The following LMO4 variants were observed in gnomAD, a reference collection of about 807,000 sequenced individuals.
The protein encoded by LMO4 is LIM domain transcription factor LMO4.
Under a neutral mutation model 18.5 loss-of-function variants are expected in LMO4, and 3 were observed. The ratio of observed to expected loss-of-function variants is 0.16; its 90% CI spans 0.07 to 0.42. LMO4 has a LOEUF of 0.42. LMO4 is among the 10% of genes least tolerant of loss of function. LMO4 has a pLI of 0.99. For missense variants in LMO4, 121 were observed against 219.9 expected, an observed-to-expected ratio of 0.55 and a Z score of 2.84; for synonymous variants, 100 against 88.1, an observed-to-expected ratio of 1.14 and a Z score of -0.76.
At chr1:87,342,195 G>A (rs1329632677) in intron 4 of LMO4, among the ~76,000 whole-genome samples, 2 of 152,182 alleles carry the variant, frequency 1.3e-5, no homozygotes, top group African/African-American at 4.8e-5. Context: ...ATGTAGAGAT[G>A]AGATGGAAAA....
At chr1:87,339,993 A>G in intron 3 of LMO4, 54 bp from the exon 4 acceptor site, 1 of 1,580,616 alleles carries the variant, frequency 6.3e-7, no homozygotes. Flanking sequence ...ACTTGTGACC[A>G]AAAAAAGACT....
chr1:87,336,865 G>T (rs1283572155), intron 2 of LMO4, among the ~76,000 whole-genome samples: 1 of 152,164 alleles, frequency 6.6e-6, no homozygotes, highest in Non-Finnish European at 1.5e-5. Flanking sequence ...GTCTGAGACC[G>T]ATAGCTACTT....
At chr1:87,344,101 G>C (rs1276635790) in intron 4 of LMO4, among the ~76,000 whole-genome samples, 1 of 152,124 alleles carries the variant, frequency 6.6e-6, no homozygotes. Context: ...TGACATAGCA[G>C]ATAAGAAATA....
At chr1:87,343,162 T>C (rs1325540017) in intron 4 of LMO4, among the ~76,000 whole-genome samples, 1 of 152,200 alleles carries the variant, frequency 6.6e-6, no homozygotes, top group Non-Finnish European at 1.5e-5. Context: ...TAGGCCCCCA[T>C]TGTCTGGTCC....
intron 4 of LMO4, among the ~76,000 whole-genome samples, chr1:87,342,008 T>C (rs113734506): frequency 0.017 from 2,638 of 152,310 alleles, 77 homozygotes; most frequent in African/African-American, 0.06. Context: ...AAAAATATGC[T>C]AGAAATAAAA....
chr1:87,333,091 A>C (rs1650201053), intron 2 of LMO4, among the ~76,000 whole-genome samples: 1 of 152,234 alleles, frequency 6.6e-6, no homozygotes, highest in Admixed American at 6.5e-5. Context: ...TGTCCATGTA[A>C]GCAGTCTTTT....
intron 2 of LMO4, among the ~76,000 whole-genome samples, chr1:87,335,039 G>C (rs1026281648): frequency 4.4e-5 from 4 of 91,100 alleles, no homozygotes; most frequent in Admixed American, 2.6e-4. Flanking sequence ...AAGAATGAAG[G>C]GGGGGGGGTT....
chr1:87,344,942 C>T lies in LMO4; in HGVS notation c.*146C>T, dbSNP rs1650587439. 1 of 722,216 alleles carries T rather than the reference C, an allele frequency of 1.4e-6. No homozygotes were observed. 44.7% of individuals were successfully genotyped at this position (722,216 alleles called of 1,614,324 possible). ...TTGCACCTTCTTTAGTCTTGATTGCCCTTCCCGCATTTATTGGTGTATTAA... is the reference window on the plus strand; with the variant it reads ...TTGCACCTTCTTTAGTCTTGATTGCTCTTCCCGCATTTATTGGTGTATTAA... On this transcript the variant is annotated 3_prime_UTR_variant, in exon 5 of 5. Transcript: ENST00000370544.
chr1:87,330,302 T>A (rs928072605), intron 1 of LMO4, among the ~76,000 whole-genome samples: 1 of 152,152 alleles, frequency 6.6e-6, no homozygotes, highest in African/African-American at 2.4e-5. Flanking sequence ...TTCGGAGCGA[T>A]TAAAACGTTG....
In LMO4 at chr1:87,348,687, C is replaced by T; in HGVS notation, c.*3891C>T. The T allele has an allele frequency of 2.0e-6, 1 of 502,200 alleles. No homozygotes were observed. The highest frequency in any genetic ancestry group is 2.0e-5 in the Admixed American group (1 of 48,918). 31.1% of individuals were successfully genotyped at this position (502,200 alleles called of 1,614,324 possible). A position where few individuals can be genotyped will look rare whatever the true frequency, so the allele number is the denominator to read the frequency against. On this transcript the variant is annotated 3_prime_UTR_variant, in exon 5 of 5. Transcript: ENST00000370544. ...GGCTGATTTTTGGAAGGTGAACTTG[C>T]AACTTACCTCAAGTGAATACTGTTT...
intron 2 of LMO4, 99 bp from the exon 3 acceptor site, chr1:87,339,437 A>G: frequency 1.2e-5 from 9 of 751,386 alleles, no homozygotes; most frequent in Non-Finnish European, 1.8e-5. Context: ...AGCCTGTCAA[A>G]TGCATTCCAA....
chr1:87,329,336 C>T (rs1341408511), intron 1 of LMO4, 92 bp downstream of exon 1: 5 of 152,398 alleles, frequency 3.3e-5, no homozygotes, highest in South Asian at 2.1e-4. Context: ...TGGCTTCCTT[C>T]CCCTGACCGT....
Position 87,343,735 on chromosome 1 carries a change from G to A in LMO4, c.490-1053G>A, listed in dbSNP as rs140655698. Among the ~76,000 whole-genome samples the A allele has an allele frequency of 9.1e-3, 1,385 of 152,266 alleles. 18 individuals are homozygous for A. The highest frequency in any genetic ancestry group is 0.032 in the African/African-American group (1,328 of 41,550). ...TGCTGCTGCATCTTTGTTCTGGACA[G>A]ACAAATTACCTTTCTCACACTGAGC... is the stretch of plus-strand genomic sequence containing the variant. On this transcript the variant is annotated intron_variant, in intron 4 of 4. Transcript: ENST00000370544.
chr1:87,347,436 T>TC lies in LMO4; in HGVS notation c.*2645dup, dbSNP rs943756883. 19 of 151,684 alleles carry TC rather than the reference T, an allele frequency of 1.3e-4. No homozygotes were observed. The highest frequency in any genetic ancestry group is 4.6e-4 in the African/African-American group (19 of 41,268). The allele number at this position is 151,684 out of a possible 1,614,324, so 9.4% of individuals were successfully genotyped here. ...GTGAGCAGCGATTGTGTGCAGTTCC[T>TC]CCCCCAATCTCAACATTGCTTAGGA... On this transcript the variant is annotated 3_prime_UTR_variant, in exon 5 of 5. Coordinates refer to ENST00000370544, the MANE Select transcript of LMO4 (RefSeq NM_006769.4).
At chr1:87,344,266 G>A (rs1037011718) in intron 4 of LMO4, among the ~76,000 whole-genome samples, 2 of 152,188 alleles carry the variant, frequency 1.3e-5, no homozygotes, top group African/African-American at 4.8e-5. Context: ...GCCAAGCACT[G>A]TTGAAAGTGC....
intron 4 of LMO4, among the ~76,000 whole-genome samples, chr1:87,341,589 T>C (rs892433943): frequency 5.9e-5 from 9 of 152,162 alleles, no homozygotes; most frequent in African/African-American, 1.7e-4. Context: ...TTTGAAAACT[T>C]TTAACCATTA....
In LMO4 at chr1:87,340,172, T is replaced by G; in HGVS notation, c.459T>G (p.Leu153=). The G allele has an allele frequency of 6.2e-7, 1 of 1,614,184 alleles. No individual in the cohort carries two copies. The highest frequency in any genetic ancestry group is 8.5e-7 in the Non-Finnish European group (1 of 1,180,030). Reference sequence around the variant, plus strand: ...TCATCAATGGCCATTTGAATTCACTTCAGAGCAATCCACTACTGCCAGACC... The same window carrying G: ...TCATCAATGGCCATTTGAATTCACTGCAGAGCAATCCACTACTGCCAGACC... ...TALINGHLNS[L]QSNPLLPDQK... The change falls in exon 4 of 5, where the codon CTT becomes CTG. Residue 153 remains leucine (L), a synonymous_variant. Transcript: ENST00000370544.
Position 87,344,914 on chromosome 1 carries a change from C to A in LMO4, c.*118C>A. On this transcript the variant is annotated 3_prime_UTR_variant, in exon 5 of 5. Coordinates refer to ENST00000370544, the MANE Select transcript of LMO4 (RefSeq NM_006769.4). ...AGCTAGCACCAGTGCCAGCTCCATG[C>A]CATTGCACCTTCTTTAGTCTTGATT... 1 of 914,446 alleles carries A rather than the reference C, an allele frequency of 1.1e-6. No homozygotes were observed. 56.6% of individuals were successfully genotyped at this position (914,446 alleles called of 1,614,324 possible).
Position 87,330,004 on chromosome 1 carries a change from C to CTTT in LMO4, c.-4+776_-4+778dup, listed in dbSNP as rs895271767. ...TAAGCCTATTTAACTTAAAAGCTTTCTTTTTTTTTTTTTTTTTTCCAACTC... is the reference window on the plus strand; with the variant it reads ...TAAGCCTATTTAACTTAAAAGCTTTCTTTTTTTTTTTTTTTTTTTTTCCAACTC... On this transcript the variant is annotated intron_variant, in intron 1 of 4. Transcript: ENST00000370544. Among the ~76,000 whole-genome samples, 291 of 127,210 alleles carry CTTT rather than the reference C, an allele frequency of 2.3e-3. 3 individuals carry two copies. Among genetic ancestry groups the CTTT allele is most frequent in the African/African-American group, 7.7e-3 (274 of 35,476 alleles). 83.5% of individuals were successfully genotyped at this position (127,210 alleles called of 152,430 possible).
Sources: gnomAD v4.1 joint callset for allele counts (sites outside exome capture counted in the v4.1 genomes callset) on GRCh38, gnomAD v4.1.1 for gene constraint, MANE v1.5 for transcripts, NCBI Gene and HGNC (gene_info 2026-07-23, HGNC 2026-07-21) for gene names.